The following FSD1 variants were observed in gnomAD, a reference collection of about 807,000 sequenced individuals.
FSD1 encodes fibronectin type III and SPRY domain containing 1, also known as fibronectin type III and SPRY domain-containing protein 1.
A neutral mutation model predicts 58.2 loss-of-function variants in FSD1; 23 were observed. The observed-to-expected ratio is 0.40, with a 90% CI of 0.28 to 0.56. The LOEUF is 0.56. Among genes scored for constraint, FSD1 ranks in the 20% least tolerant of loss-of-function variants. FSD1 has a pLI of 0.54. For synonymous variants in FSD1, 265 were observed against 263.4 expected, an observed-to-expected ratio of 1.01 and a Z score of -0.06; for missense variants, 563 against 670.8, an observed-to-expected ratio of 0.84 and a Z score of 1.78.
chr19:4,306,472 CTTTT>C, intron 3 of FSD1, 143 bp downstream of exon 3: 2 of 577,718 alleles, frequency 3.5e-6, no homozygotes, highest in Non-Finnish European at 5.7e-6. Context: ...TACACTCTCT[CTTTT>C]TTTTTTTTGA....
At chr19:4,314,488 CT>C (rs1198326761) in intron 7 of FSD1, among the ~76,000 whole-genome samples, 11,449 of 137,738 alleles carry the variant, frequency 0.083, 560 homozygotes, top group African/African-American at 0.15. Context: ...CACATTCTAC[CT>C]TTTTTTTTTT....
Position 4,307,363 on chromosome 19 carries a change from G to GT in FSD1, c.244-511dup, listed in dbSNP as rs568618880. 6.6e-4 allele frequency among the ~76,000 whole-genome samples: 100 copies of GT among 150,952 alleles called. 1 individual carries two copies. Among genetic ancestry groups the GT allele is most frequent in the African/African-American group, 2.3e-3 (93 of 41,182 alleles). Reference sequence around the variant, plus strand: ...GAGCCTCTGTGCCTGGCTCATGTGAGTTTTTTTTGTTTTGTTTTGTTTTTG... The same window carrying GT: ...GAGCCTCTGTGCCTGGCTCATGTGAGTTTTTTTTTGTTTTGTTTTGTTTTTG... On this transcript the variant is annotated intron_variant, in intron 3 of 12. Transcript: ENST00000221856.
chr19:4,305,784 G>T (rs537323508), intron 1 of FSD1, among the ~76,000 whole-genome samples, 162 bp from the exon 2 acceptor site: 1 of 152,274 alleles, frequency 6.6e-6, no homozygotes, highest in East Asian at 1.9e-4. Flanking sequence ...CCTGCCTGCC[G>T]TGTGTGTGTG....
chr19:4,308,889 G>A (rs1971656684), intron 4 of FSD1, among the ~76,000 whole-genome samples: 1 of 148,366 alleles, frequency 6.7e-6, no homozygotes, highest in Non-Finnish European at 1.5e-5. Context: ...TCTTGGCTAG[G>A]ACGGTGAAAC....
At chr19:4,310,434 G>C (rs746712009) in intron 5 of FSD1, 41 bp from the exon 6 acceptor site, 1 of 1,606,312 alleles carries the variant, frequency 6.2e-7, no homozygotes, top group South Asian at 1.1e-5. Flanking sequence ...GGATGACCAG[G>C]CCTGGTCCCC....
intron 3 of FSD1, among the ~76,000 whole-genome samples, chr19:4,306,990 C>T (rs1971629702): frequency 6.6e-6 from 1 of 152,206 alleles, no homozygotes; most frequent in Non-Finnish European, 1.5e-5. Flanking sequence ...TCCTGACATC[C>T]CAGATTCCTG....
Position 4,310,371 on chromosome 19 carries a change from T to C in FSD1, c.368+76T>C, listed in dbSNP as rs1971674750. On this transcript the variant is annotated intron_variant, in intron 5 of 12. Transcript: ENST00000221856. Reference sequence around the variant, plus strand: ...AGACAGGGGCCACCTGGTGAGGGTGTCTCATCTCAGAGCCCTGGACGGGAG... The same window carrying C: ...AGACAGGGGCCACCTGGTGAGGGTGCCTCATCTCAGAGCCCTGGACGGGAG... The C allele has an allele frequency of 2.5e-6, 4 of 1,609,688 alleles. No homozygotes were observed. In the African/African-American group the frequency reaches 5.4e-5, roughly 22 times the overall value.
At position 4,304,632 on chromosome 19, in the gene FSD1, C is replaced by CGCGGCG. The variant is rs891108508; in HGVS notation, c.-108_-103dup. The CGCGGCG allele has an allele frequency of 1.6e-5, 9 of 552,980 alleles. No homozygotes were observed. The highest frequency in any genetic ancestry group is 2.4e-5 in the Non-Finnish European group (9 of 371,676). 34.3% of individuals were successfully genotyped at this position (552,980 alleles called of 1,614,324 possible). A position where few individuals can be genotyped will look rare whatever the true frequency, so the allele number is the denominator to read the frequency against. On this transcript the variant is annotated 5_prime_UTR_variant, in exon 1 of 13. Transcript: ENST00000221856. ...GCGGTGATGGAGCGCTAACCGGGGGCGCGGCGGCGGCGAGGGCTCGGCGGG... is the reference window on the plus strand; with the variant it reads ...GCGGTGATGGAGCGCTAACCGGGGGCGCGGCGGCGGCGGCGGCGAGGGCTCGGCGGG...
intron 10 of FSD1, among the ~76,000 whole-genome samples, chr19:4,320,000 A>C (rs992373156): frequency 2.6e-5 from 4 of 152,026 alleles, no homozygotes; most frequent in African/African-American, 9.7e-5. Flanking sequence ...GAGGATCTCA[A>C]CTCTGGAGAG....
intron 7 of FSD1, among the ~76,000 whole-genome samples, chr19:4,314,807 G>A (rs549907551): frequency 2.6e-5 from 4 of 152,246 alleles, no homozygotes; most frequent in South Asian, 2.1e-4. Context: ...TTTTACACGC[G>A]CTCATTCGGG....
chr19:4,305,522 C>T (rs1291426211), intron 1 of FSD1, among the ~76,000 whole-genome samples: 1 of 152,200 alleles, frequency 6.6e-6, no homozygotes, highest in Non-Finnish European at 1.5e-5. Flanking sequence ...GGGTTGTAGC[C>T]TTTGTGCTCA....
At chr19:4,307,758 T>TC (rs1971638486) in intron 3 of FSD1, 124 bp from the exon 4 acceptor site, 4 of 655,038 alleles carry the variant, frequency 6.1e-6, no homozygotes, top group Admixed American at 3.1e-5. Context: ...GGCTCCAATC[T>TC]CCATCTCTCA....
intron 7 of FSD1, among the ~76,000 whole-genome samples, chr19:4,316,204 G>T (rs971240507): frequency 5.9e-5 from 9 of 152,046 alleles, no homozygotes; most frequent in African/African-American, 1.9e-4. Context: ...GGGACTACAG[G>T]TGTGCACCAC....
chr19:4,318,602 G>A (rs980706097), intron 9 of FSD1, 97 bp downstream of exon 9: 3 of 1,161,596 alleles, frequency 2.6e-6, no homozygotes, highest in African/African-American at 1.5e-5. Flanking sequence ...GTGGAGAGGG[G>A]ACCTGGGGCT....
intron 4 of FSD1, 135 bp downstream of exon 4, chr19:4,308,118 A>G (rs1416599788): frequency 1.8e-5 from 12 of 669,194 alleles, no homozygotes; most frequent in Non-Finnish European, 3.1e-5. Context: ...TGATACCAAG[A>G]AAGTGTCCAG....
chr19:4,316,629 G>A (rs966373329), intron 7 of FSD1, among the ~76,000 whole-genome samples: 1 of 151,892 alleles, frequency 6.6e-6, no homozygotes, highest in Non-Finnish European at 1.5e-5. Flanking sequence ...CAATCACTGT[G>A]ACAGGGTCTT....
Position 4,318,897 on chromosome 19 carries a change from C to T in FSD1, c.985C>T (p.Pro329Ser), listed in dbSNP as rs1426558933. The stretch of plus-strand genomic sequence containing the variant: ...AGGTACTCCATCTCCCAAGAGGATG[C>T]CCTCAGGTCGTGGGGGACGGGACCG... ...ARGTPSPKRM[P>S]SGRGGRDRFT... The change falls in exon 10 of 13, where the codon CCC (proline) becomes TCC (serine). Residue 329 changes from proline to serine, a missense_variant. Transcript: ENST00000221856. 2 of 1,613,744 alleles carry T rather than the reference C, an allele frequency of 1.2e-6. No homozygotes were observed. The highest frequency in any genetic ancestry group is 2.7e-5 in the African/African-American group (2 of 75,038).
At chr19:4,306,449 C>A in intron 3 of FSD1, 120 bp downstream of exon 3, 1 of 899,386 alleles carries the variant, frequency 1.1e-6, no homozygotes, top group Non-Finnish European at 1.7e-6. Flanking sequence ...CCCCTGACCC[C>A]TCCATCCACC....
chr19:4,304,661 T>C lies in FSD1; in HGVS notation c.-86T>C, dbSNP rs1971595148. 4 of 861,814 alleles carry C rather than the reference T, an allele frequency of 4.6e-6. No individual in the cohort carries two copies. The South Asian group carries it at 2.3e-4, about 50-fold the overall frequency. The allele number at this position is 861,814 out of a possible 1,614,324, so 53.4% of individuals were successfully genotyped here. A position where few individuals can be genotyped will look rare whatever the true frequency, so the allele number is the denominator to read the frequency against. ...GCGGCGGCGAGGGCTCGGCGGGCCA[T>C]TGGCTACCGGCCGCGGCAAAGGCAG... On this transcript the variant is annotated 5_prime_UTR_variant, in exon 1 of 13. Transcript: ENST00000221856.
Sources: allele counts gnomAD v4.1 joint callset (sites outside exome capture counted in the v4.1 genomes callset), GRCh38; gene constraint gnomAD v4.1.1; transcripts MANE v1.5; gene names NCBI Gene and HGNC (gene_info 2026-07-23, HGNC 2026-07-21).